VAV3: variants seen among roughly 807,000 people sequenced by gnomAD.
The protein encoded by VAV3 is guanine nucleotide exchange factor VAV3.
In VAV3, 94 loss-of-function variants were observed where a neutral mutation model predicts 131.2. The observed-to-expected ratio is 0.72, with a 90% confidence interval of 0.61 to 0.85. The LOEUF is 0.85. Among genes scored for constraint, VAV3 ranks in the 40% least tolerant of loss-of-function variants. VAV3 has a pLI of 0.00. For missense variants in VAV3, 939 were observed against 1,002.7 expected, an observed-to-expected ratio of 0.94 and a Z score of 0.86; for synonymous variants, 349 against 342.0, an observed-to-expected ratio of 1.02 and a Z score of -0.22.
At chr1:107,828,211 G>A (rs1162752627) in intron 2 of VAV3, among the ~76,000 whole-genome samples, 1 of 152,110 alleles carries the variant, frequency 6.6e-6, no homozygotes, top group Non-Finnish European at 1.5e-5. Flanking sequence ...CTCTTTACCT[G>A]TTCTTGCGTT....
intron 2 of VAV3, among the ~76,000 whole-genome samples, chr1:107,803,328 T>C (rs12563210): frequency 0.15 from 22,947 of 151,982 alleles, 1,993 homozygotes; most frequent in East Asian, 0.29. Context: ...GCTTTTCTAG[T>C]TCCTTGAGGT....
chr1:107,597,712 C>T (rs1003193164), intron 24 of VAV3, among the ~76,000 whole-genome samples: 5 of 152,176 alleles, frequency 3.3e-5, no homozygotes, highest in Non-Finnish European at 7.3e-5. Flanking sequence ...AAGCTAAAAG[C>T]AGCATAGTTT....
chr1:107,720,037 C>T (rs1661385360), intron 15 of VAV3, among the ~76,000 whole-genome samples: 1 of 152,048 alleles, frequency 6.6e-6, no homozygotes, highest in African/African-American at 2.4e-5. Context: ...AGGCAGGGAA[C>T]ATCACACACC....
chr1:107,877,845 G>C (rs1670577186), intron 1 of VAV3, among the ~76,000 whole-genome samples: 1 of 152,054 alleles, frequency 6.6e-6, no homozygotes, highest in Non-Finnish European at 1.5e-5. Flanking sequence ...GACTAAATTA[G>C]TGCTGAGTCT....
At chr1:107,625,752 T>C (rs895867933) in intron 20 of VAV3, among the ~76,000 whole-genome samples, 22 of 152,224 alleles carry the variant, frequency 1.4e-4, no homozygotes, top group African/African-American at 4.8e-4. Flanking sequence ...ATTCAATATA[T>C]GCTATAATTT....
At chr1:107,789,853 C>A (rs187422322) in intron 2 of VAV3, among the ~76,000 whole-genome samples, 137 of 152,210 alleles carry the variant, frequency 9.0e-4, no homozygotes, top group East Asian at 6.2e-3. Flanking sequence ...TTTATATTAA[C>A]TCTTCAAAAT....
chr1:107,774,858 A>G (rs1316677392), intron 4 of VAV3, among the ~76,000 whole-genome samples: 1 of 152,134 alleles, frequency 6.6e-6, no homozygotes, highest in Non-Finnish European at 1.5e-5. Flanking sequence ...TGAGAATAAA[A>G]ATCAAGCTGT....
intron 15 of VAV3, among the ~76,000 whole-genome samples, chr1:107,720,768 AAGTT>A (rs975154889): frequency 6.6e-6 from 1 of 152,186 alleles, no homozygotes; most frequent in African/African-American, 2.4e-5. Context: ...GCCTGCCATA[AAGTT>A]GAAGAGACAA....
At chr1:107,697,249 C>T (rs574518794) in intron 17 of VAV3, among the ~76,000 whole-genome samples, 2 of 152,120 alleles carry the variant, frequency 1.3e-5, no homozygotes, top group Non-Finnish European at 2.9e-5. Context: ...ACCCAGCAAA[C>T]CCCGATCTGA....
intron 17 of VAV3, among the ~76,000 whole-genome samples, chr1:107,697,714 G>A (rs554322391): frequency 4.5e-4 from 69 of 152,242 alleles, no homozygotes; most frequent in African/African-American, 1.6e-3. Flanking sequence ...AACTGAATGT[G>A]TCTTAAGTCC....
At chr1:107,814,710 GC>G (rs1183916156) in intron 2 of VAV3, among the ~76,000 whole-genome samples, 3 of 152,080 alleles carry the variant, frequency 2.0e-5, no homozygotes, top group Admixed American at 6.6e-5. Context: ...AAGATTAGTG[GC>G]CTACAGTATT....
intron 20 of VAV3, among the ~76,000 whole-genome samples, chr1:107,635,536 G>T (rs1435611442): frequency 6.6e-6 from 1 of 151,106 alleles, no homozygotes; most frequent in Non-Finnish European, 1.5e-5. Context: ...GAAGTTAATG[G>T]GTGCAGCACA....
intron 20 of VAV3, among the ~76,000 whole-genome samples, chr1:107,617,969 G>A (rs924523884): frequency 3.3e-5 from 5 of 152,122 alleles, no homozygotes; most frequent in African/African-American, 1.2e-4. Context: ...GGTGAGGTGA[G>A]GTGGGTGCTG....
At chr1:107,586,728 A>C (rs1650526164) in intron 25 of VAV3, among the ~76,000 whole-genome samples, 1 of 152,130 alleles carries the variant, frequency 6.6e-6, no homozygotes, top group African/African-American at 2.4e-5. Flanking sequence ...AGGGGAAAGA[A>C]CATACCAGAT....
intron 2 of VAV3, among the ~76,000 whole-genome samples, chr1:107,825,560 A>G (rs1330363125): frequency 6.6e-6 from 1 of 152,120 alleles, no homozygotes; most frequent in East Asian, 1.9e-4. Flanking sequence ...TCTCATTCCC[A>G]TATGAAGTAA....
At chr1:107,962,491 A>G (rs759162353) in intron 1 of VAV3, among the ~76,000 whole-genome samples, 3 of 152,256 alleles carry the variant, frequency 2.0e-5, no homozygotes, top group Non-Finnish European at 4.4e-5. Flanking sequence ...TGTGCTAGGC[A>G]CTATAAGCAT....
At chr1:107,906,058 T>G (rs909280683) in intron 1 of VAV3, among the ~76,000 whole-genome samples, 12 of 152,136 alleles carry the variant, frequency 7.9e-5, no homozygotes, top group Non-Finnish European at 1.8e-4. Flanking sequence ...ATCTCCTAAA[T>G]TTAAAGTTGC....
At chr1:107,760,467 CATAA>C (rs1350991598) in intron 10 of VAV3, among the ~76,000 whole-genome samples, 1 of 152,108 alleles carries the variant, frequency 6.6e-6, no homozygotes, top group African/African-American at 2.4e-5. Context: ...TTGAGGTGCT[CATAA>C]ATAAATACTG....
intron 20 of VAV3, among the ~76,000 whole-genome samples, chr1:107,621,690 T>C (rs1653620669): frequency 6.6e-6 from 1 of 152,162 alleles, no homozygotes; most frequent in Admixed American, 6.6e-5. Context: ...AATCAGCTTG[T>C]CATCCCTTTT....
Sources: gnomAD v4.1 joint callset for allele counts (sites outside exome capture counted in the v4.1 genomes callset) on GRCh38, gnomAD v4.1.1 for gene constraint, MANE v1.5 for transcripts, NCBI Gene and HGNC (gene_info 2026-07-23, HGNC 2026-07-21) for gene names.